The following DACH2 variants were observed in gnomAD, a reference collection of about 807,000 sequenced individuals.
The protein encoded by DACH2 is dachshund family transcription factor 2, also known as dachshund homolog 2.
A neutral mutation model predicts 35.8 loss-of-function variants in DACH2; 17 were observed. That is an observed-to-expected ratio of 0.48 (90% confidence interval 0.33 to 0.71). DACH2 has a LOEUF of 0.71. Ranked by LOEUF, DACH2 falls within the 30% of genes least tolerant of loss-of-function variation. The probability of loss-of-function intolerance (pLI) is 0.02; values close to 1 mark genes in which losing one functional copy is unlikely to be tolerated. For synonymous variants in DACH2, 195 were observed against 177.3 expected, an observed-to-expected ratio of 1.10 and a Z score of -0.79; for missense variants, 469 against 472.7, an observed-to-expected ratio of 0.99 and a Z score of 0.07.
At chrX:86,451,653 G>A (rs2037379831) in intron 2 of DACH2, among the ~76,000 whole-genome samples, 1 of 111,254 alleles carries the variant, frequency 9.0e-6, no homozygotes, top group Non-Finnish European at 1.9e-5. Flanking sequence ...TGGGCAGTTT[G>A]GCCATTTTCA....
At chrX:86,486,873 T>A (rs1171782532) in intron 2 of DACH2, among the ~76,000 whole-genome samples, 1 of 111,718 alleles carries the variant, frequency 9.0e-6, no homozygotes, top group African/African-American at 3.2e-5. Flanking sequence ...AGACATATAC[T>A]ATGGGTTAAT....
intron 11 of DACH2, among the ~76,000 whole-genome samples, chrX:86,818,692 A>G (rs184181074): frequency 5.4e-5 from 6 of 110,680 alleles, no homozygotes; most frequent in African/African-American, 1.6e-4. Flanking sequence ...ATACCAATGC[A>G]ATACCATTTC....
chrX:86,800,397 A>G (rs1217380644), intron 7 of DACH2, among the ~76,000 whole-genome samples: 1 of 111,805 alleles, frequency 8.9e-6, no homozygotes. Flanking sequence ...AAAACATAAA[A>G]CAAAATGGCA....
intron 3 of DACH2, among the ~76,000 whole-genome samples, chrX:86,592,046 T>G (rs1025720681): frequency 1.8e-5 from 2 of 111,499 alleles, no homozygotes; most frequent in African/African-American, 6.5e-5. Context: ...ACTATGATTT[T>G]TTTTTATTTT....
chrX:86,644,459 A>G, intron 3 of DACH2, among the ~76,000 whole-genome samples: 1 of 106,194 alleles, frequency 9.4e-6, no homozygotes, highest in African/African-American at 3.5e-5. Flanking sequence ...TTGCCCATGG[A>G]TAGGAAGAAT....
At chrX:86,771,005 G>A (rs190558504) in intron 7 of DACH2, among the ~76,000 whole-genome samples, 191 of 112,950 alleles carry the variant, frequency 1.7e-3, no homozygotes, top group African/African-American at 5.6e-3. Flanking sequence ...TTTTGGTGAC[G>A]TTTACCAGGG....
intron 1 of DACH2, among the ~76,000 whole-genome samples, chrX:86,231,259 C>T (rs962837514): frequency 8.9e-6 from 1 of 112,395 alleles, no homozygotes; most frequent in Non-Finnish European, 1.9e-5. Flanking sequence ...TACCACCTGC[C>T]AGGAGGTGGC....
In DACH2 at chrX:86,535,213, G is replaced by A. The variant is rs148681705; in HGVS notation, c.640+20822G>A. Reference sequence around the variant, plus strand: ...CTCATCCATTTAGTATTTACTCACCGTCTGTTACATGCCTGAAAATGAGAA... The same window carrying A: ...CTCATCCATTTAGTATTTACTCACCATCTGTTACATGCCTGAAAATGAGAA... On this transcript the variant is annotated intron_variant, in intron 3 of 11. Coordinates refer to ENST00000373125, the MANE Select transcript of DACH2 (RefSeq NM_053281.3). Among the ~76,000 whole-genome samples, 551 of 111,385 alleles carry A rather than the reference G, an allele frequency of 4.9e-3. 4 individuals carry two copies. Among genetic ancestry groups the A allele is most frequent in the African/African-American group, 0.015 (466 of 30,640 alleles).
At chrX:86,213,006 G>A (rs1311770389) in intron 1 of DACH2, among the ~76,000 whole-genome samples, 1 of 111,363 alleles carries the variant, frequency 9.0e-6, no homozygotes. Flanking sequence ...TATTCTATTA[G>A]CATTCTATTA....
intron 7 of DACH2, among the ~76,000 whole-genome samples, chrX:86,786,095 G>A (rs1361145545): frequency 9.0e-6 from 1 of 111,360 alleles, no homozygotes; most frequent in East Asian, 2.8e-4. Flanking sequence ...ATAGACCATA[G>A]TGACCCCCTA....
intron 11 of DACH2, among the ~76,000 whole-genome samples, chrX:86,819,957 C>T (rs910126581): frequency 1.8e-5 from 2 of 111,551 alleles, no homozygotes; most frequent in Admixed American, 1.9e-4. Flanking sequence ...GTATAGTAGA[C>T]AGTGCATGTT....
rs190378735 is a variant in DACH2 at position 86,292,740 on chromosome X, G to A, written c.489-84084G>A. The stretch of plus-strand genomic sequence containing the variant: ...TTTCCATGTAGTTGAGCGGTTTTGA[G>A]TGAGTTTCTTAATCCTGGGTTCTAG... On this transcript the variant is annotated intron_variant, in intron 1 of 11. Coordinates refer to ENST00000373125, the MANE Select transcript of DACH2 (RefSeq NM_053281.3). Among the ~76,000 whole-genome samples the A allele has an allele frequency of 8.6e-3, 961 of 112,027 alleles. 14 individuals are homozygous for A. The highest frequency in any genetic ancestry group is 0.029 in the African/African-American group (908 of 30,819).
intron 1 of DACH2, among the ~76,000 whole-genome samples, chrX:86,323,441 A>C (rs749636366): frequency 8.9e-6 from 1 of 112,076 alleles, no homozygotes; most frequent in African/African-American, 3.2e-5. Flanking sequence ...AAAAACAGCA[A>C]TCCCTTGACC....
intron 1 of DACH2, among the ~76,000 whole-genome samples, chrX:86,272,501 C>T (rs2033833100): frequency 9.0e-6 from 1 of 111,349 alleles, no homozygotes; most frequent in Non-Finnish European, 1.9e-5. Flanking sequence ...GTATAAAAAC[C>T]AGCCATGAAG....
intron 1 of DACH2, among the ~76,000 whole-genome samples, chrX:86,245,220 C>T (rs1041714318): frequency 1.8e-5 from 2 of 111,467 alleles, no homozygotes; most frequent in African/African-American, 6.5e-5. Flanking sequence ...CAGTAATGTA[C>T]CCCACCCCGC....
intron 3 of DACH2, among the ~76,000 whole-genome samples, chrX:86,575,221 G>A (rs999753102): frequency 3.6e-5 from 4 of 110,972 alleles, no homozygotes; most frequent in African/African-American, 9.8e-5. Flanking sequence ...TCTTTCTATA[G>A]TAGATTTGGC....
intron 2 of DACH2, among the ~76,000 whole-genome samples, chrX:86,471,946 A>G (rs2037767232): frequency 8.9e-6 from 1 of 112,236 alleles, no homozygotes; most frequent in African/African-American, 3.2e-5. Context: ...GCTCAATTGA[A>G]CAATTCCAAA....
chrX:86,476,438 A>G (rs1364114564), intron 2 of DACH2, among the ~76,000 whole-genome samples: 1 of 111,705 alleles, frequency 9.0e-6, no homozygotes, highest in Non-Finnish European at 1.9e-5. Context: ...TTTATTAGCA[A>G]TAGTTGCTCA....
At chrX:86,812,121 C>A (rs906112365) in intron 7 of DACH2, among the ~76,000 whole-genome samples, 23 of 111,066 alleles carry the variant, frequency 2.1e-4, no homozygotes, top group African/African-American at 7.2e-4. Flanking sequence ...TACTATTCAG[C>A]AATAAAAATA....
Sources: gnomAD v4.1 joint callset for allele counts (sites outside exome capture counted in the v4.1 genomes callset) on GRCh38, gnomAD v4.1.1 for gene constraint, MANE v1.5 for transcripts, NCBI Gene and HGNC (gene_info 2026-07-23, HGNC 2026-07-21) for gene names.